The following CRYL1 variants were observed in gnomAD, a reference collection of about 807,000 sequenced individuals.
The protein encoded by CRYL1 is lambda-crystallin homolog.
In CRYL1, 29 loss-of-function variants were observed where a neutral mutation model predicts 36.6. The ratio of observed to expected loss-of-function variants is 0.79; its 90% confidence interval spans 0.59 to 1.08. The LOEUF is 1.08. CRYL1 is among the 50% of genes least tolerant of loss of function. The pLI is 0.00. For missense variants in CRYL1, 411 were observed against 407.9 expected (o/e 1.01, Z -0.06); for synonymous variants, 152 against 151.5 (o/e 1.00, Z -0.02).
At chr13:20,407,306 C>T (rs1030072339) in intron 6 of CRYL1, among the ~76,000 whole-genome samples, 7 of 151,806 alleles carry the variant, frequency 4.6e-5, no homozygotes, top group South Asian at 2.1e-4. Context: ...GTGCAGCCTC[C>T]GGGTGCTCCA....
chr13:20,454,087 T>A (rs555380247), intron 3 of CRYL1, among the ~76,000 whole-genome samples: 1 of 152,290 alleles, frequency 6.6e-6, no homozygotes, highest in South Asian at 2.1e-4. Flanking sequence ...CTACTGCCAA[T>A]CTTTACAATC....
chr13:20,494,930 T>C (rs1374125762), intron 2 of CRYL1, among the ~76,000 whole-genome samples: 6 of 152,152 alleles, frequency 3.9e-5, no homozygotes. Flanking sequence ...CGGTCACACA[T>C]GAACCCATCA....
At chr13:20,503,020 G>A (rs897308659) in intron 2 of CRYL1, among the ~76,000 whole-genome samples, 4 of 152,104 alleles carry the variant, frequency 2.6e-5, no homozygotes, top group African/African-American at 4.8e-5. Flanking sequence ...GGAAGCGCAC[G>A]GCCTCAGAAT....
At chr13:20,511,085 T>C (rs1863324233) in intron 2 of CRYL1, among the ~76,000 whole-genome samples, 2 of 152,132 alleles carry the variant, frequency 1.3e-5, no homozygotes. Context: ...CTTTGCATTT[T>C]ATTATTTTAT....
chr13:20,472,968 T>C (rs1160920303), intron 3 of CRYL1: 1 of 152,270 alleles, frequency 6.6e-6, no homozygotes, highest in African/African-American at 2.4e-5. Context: ...GGACTCACTT[T>C]TGGGCCTCTT....
intron 3 of CRYL1, among the ~76,000 whole-genome samples, chr13:20,466,614 G>A (rs2032937932): frequency 6.6e-6 from 1 of 151,706 alleles, no homozygotes; most frequent in South Asian, 2.1e-4. Context: ...TATCAGACTG[G>A]CACAAACTTA....
intron 3 of CRYL1, among the ~76,000 whole-genome samples, chr13:20,445,062 T>C (rs2032426069): frequency 1.3e-5 from 2 of 152,074 alleles, no homozygotes; most frequent in South Asian, 4.1e-4. Context: ...AAACATAAAA[T>C]TGGAGACCCT....
intron 5 of CRYL1, among the ~76,000 whole-genome samples, chr13:20,424,311 C>T (rs2031886556): frequency 6.6e-6 from 1 of 152,174 alleles, no homozygotes; most frequent in African/African-American, 2.4e-5. Flanking sequence ...AGTGGCTGGA[C>T]TGAGAAGCAG....
intron 5 of CRYL1, chr13:20,427,298 G>A (rs1410426415): frequency 4.1e-6 from 4 of 985,392 alleles, no homozygotes; most frequent in Non-Finnish European, 4.8e-6. Context: ...TCCCAAAACT[G>A]AAGCCAACTG....
At chr13:20,506,030 T>C (rs1024191237) in intron 2 of CRYL1, among the ~76,000 whole-genome samples, 2 of 152,180 alleles carry the variant, frequency 1.3e-5, no homozygotes, top group African/African-American at 4.8e-5. Context: ...TGTGCGGGAA[T>C]GGTACATTTG....
rs532965336 is a variant in CRYL1, at chr13:20,525,349, G to T, written c.41+405C>A. ...CTCAGTATTCTCATTCGTAAAATGG[G>T]GATGAGAACACAGTCGTCGCAGGAT... On this transcript the variant is annotated intron_variant, in intron 1 of 7. Transcript: ENST00000298248. This position sits in a 1 kb window ranked among gnomAD's most constrained non-coding sequence, Gnocchi z 4.3. Among the ~76,000 whole-genome samples the T allele has an allele frequency of 6.6e-6, 1 of 152,338 alleles. No homozygotes were observed. Among genetic ancestry groups the T allele is most frequent in the Admixed American group, 6.5e-5 (1 of 15,300 alleles).
intron 4 of CRYL1, chr13:20,433,655 T>C (rs1019650620): frequency 6.5e-6 from 1 of 154,346 alleles, no homozygotes; most frequent in African/African-American, 2.4e-5. Flanking sequence ...TCTGACCTTT[T>C]GAAAAATGAA....
chr13:20,485,678 A>G (rs1054237069), intron 3 of CRYL1, among the ~76,000 whole-genome samples: 1 of 144,004 alleles, frequency 6.9e-6, no homozygotes, highest in Non-Finnish European at 1.5e-5. Context: ...CAAAGAAAAA[A>G]GAAAGATAGA....
chr13:20,525,716 G>A lies in CRYL1; in HGVS notation c.41+38C>T, dbSNP rs1251084766. 3 of 1,337,642 alleles carry A rather than the reference G, an allele frequency of 2.2e-6. No homozygotes were observed. Among genetic ancestry groups the A allele is most frequent in the African/African-American group, 3.1e-5 (2 of 65,506 alleles). The allele number at this position is 1,337,642 out of a possible 1,614,324, so 82.9% of individuals were successfully genotyped here. A position where few individuals can be genotyped will look rare whatever the true frequency, so the allele number is the denominator to read the frequency against. On this transcript the variant is annotated intron_variant, in intron 1 of 7. Coordinates refer to ENST00000298248, the MANE Select transcript of CRYL1 (RefSeq NM_015974.3). This position sits in a 1 kb window ranked among gnomAD's most constrained non-coding sequence, Gnocchi z 4.3. ...GGCACCACGTCCCCGGCGTCTCCCC[G>A]GGCTCCAGGGGCAGCAGCGCGGCTC... is the stretch of plus-strand genomic sequence containing the variant.
At chr13:20,519,862 A>C (rs1345445914) in intron 1 of CRYL1, among the ~76,000 whole-genome samples, 1 of 151,788 alleles carries the variant, frequency 6.6e-6, no homozygotes, top group African/African-American at 2.4e-5. Context: ...AATATGGAAG[A>C]GATATTTAAA....
intron 2 of CRYL1, among the ~76,000 whole-genome samples, chr13:20,510,720 C>G (rs1445073122): frequency 1.3e-5 from 2 of 151,696 alleles, no homozygotes; most frequent in South Asian, 2.1e-4. Context: ...TCAAGTGACT[C>G]TCATGTCTCA....
At chr13:20,506,573 C>G (rs543805620) in intron 2 of CRYL1, among the ~76,000 whole-genome samples, 2 of 152,094 alleles carry the variant, frequency 1.3e-5, no homozygotes, top group South Asian at 4.1e-4. Flanking sequence ...CTCCATCATT[C>G]AGCATCATCA....
At chr13:20,423,694 C>A (rs2031868641) in intron 5 of CRYL1, among the ~76,000 whole-genome samples, 1 of 147,072 alleles carries the variant, frequency 6.8e-6, no homozygotes, top group Admixed American at 6.8e-5. Flanking sequence ...AGGCCAGACT[C>A]TACTCTCTAT....
chr13:20,503,627 G>A (rs73163241), intron 2 of CRYL1, among the ~76,000 whole-genome samples: 5,583 of 152,344 alleles, frequency 0.037, 153 homozygotes, highest in Non-Finnish European at 0.06. Context: ...GCTAAGCCCA[G>A]AGTAAGGGGG....
Sources: allele counts gnomAD v4.1 joint callset (sites outside exome capture counted in the v4.1 genomes callset), GRCh38; gene constraint gnomAD v4.1.1; non-coding constraint Gnocchi (gnomAD v3.1); transcripts MANE v1.5; gene names NCBI Gene and HGNC (gene_info 2026-07-23, HGNC 2026-07-21).